UBR1: variants seen among roughly 807,000 people sequenced by gnomAD.
The protein encoded by UBR1 is ubiquitin protein ligase E3 component n-recognin 1, also known as E3 ubiquitin-protein ligase UBR1.
In UBR1, 102 loss-of-function variants were observed where a neutral mutation model predicts 242.1. The ratio of observed to expected loss-of-function variants is 0.42; its 90% confidence interval spans 0.36 to 0.50. The LOEUF (loss-of-function observed/expected upper bound fraction) is 0.50. UBR1 is among the 20% of genes least tolerant of loss of function. The pLI is 0.01. For synonymous variants in UBR1, 675 were observed against 684.8 expected (o/e 0.99, Z 0.22); for missense variants, 1,772 against 2,101.8 (o/e 0.84, Z 3.07).
chr15:42,988,869 C>G lies in UBR1; in HGVS notation c.3947G>C (p.Arg1316Pro). ...GGTGCTCCAGGTCAGCATGGGGACT[C>G]GAGGATCCCTTTCATCAGGTGGCAC... ...LKVPPDERDP[R>P]VPMLTWSTCA... The change falls in exon 35 of 47, where the codon CGA becomes CCA. Residue 1316 changes from arginine to proline, a missense_variant. By Grantham distance (103) the Arg-to-Pro change is moderately radical. This residue lies in a region of UBR1 where 965 missense variants were observed against 1,079.7 expected (regional missense o/e 0.89). Coordinates refer to ENST00000290650, the MANE Select transcript of UBR1 (RefSeq NM_174916.3). The G allele has an allele frequency of 6.2e-7, 1 of 1,614,158 alleles. No homozygotes were observed. Among genetic ancestry groups the G allele is most frequent in the Non-Finnish European group, 8.5e-7 (1 of 1,180,024 alleles).
At chr15:43,037,911 A>G (rs2033358315) in intron 16 of UBR1, 28 bp from the exon 17 acceptor site, 1 of 1,587,128 alleles carries the variant, frequency 6.3e-7, no homozygotes. Context: ...CAATTTTATC[A>G]TTTCTCACAG....
chr15:43,019,865 A>G (rs1218388590), intron 27 of UBR1, among the ~76,000 whole-genome samples: 2 of 151,518 alleles, frequency 1.3e-5, no homozygotes, highest in South Asian at 4.2e-4. Context: ...CCGCCTCCCA[A>G]AGTGCTGGGA....
In UBR1 at chr15:43,036,600, G is replaced by T. The variant is rs774152475; in HGVS notation, c.2023-7C>A. 1.5e-5 allele frequency: 22 copies of T among 1,495,390 alleles called. No individual in the cohort carries two copies. Among genetic ancestry groups the T allele is most frequent in the Non-Finnish European group, 2.0e-5 (21 of 1,074,560 alleles). The allele number at this position is 1,495,390 out of a possible 1,614,324, so 92.6% of individuals were successfully genotyped here. On this transcript the variant is annotated splice_polypyrimidine_tract_variant and splice_region_variant and intron_variant, in intron 17 of 46. Coordinates refer to ENST00000290650, the MANE Select transcript of UBR1 (RefSeq NM_174916.3). ...CATCTTGGTAATAAAACACCTATAA[G>T]GTAATAGGTAGAATAAATCCTAAAA...
chr15:43,071,876 A>T (rs2033828457), intron 4 of UBR1, among the ~76,000 whole-genome samples: 2 of 152,226 alleles, frequency 1.3e-5, no homozygotes, highest in Admixed American at 6.5e-5. Context: ...CTAGGTGGCC[A>T]TAACAAAAAA....
chr15:43,098,255 C>A (rs1457096873), intron 1 of UBR1, among the ~76,000 whole-genome samples: 1 of 151,854 alleles, frequency 6.6e-6, no homozygotes, highest in African/African-American at 2.4e-5. Flanking sequence ...TCATGGCACC[C>A]CAAAACAATT....
intron 5 of UBR1, among the ~76,000 whole-genome samples, chr15:43,069,618 C>T (rs187898445): frequency 6.6e-6 from 1 of 152,194 alleles, no homozygotes; most frequent in African/African-American, 2.4e-5. Context: ...TTTTACAATA[C>T]GCTCAATTGA....
intron 46 of UBR1, among the ~76,000 whole-genome samples, chr15:42,946,472 G>C (rs1390299922): frequency 6.6e-6 from 1 of 152,072 alleles, no homozygotes; most frequent in Non-Finnish European, 1.5e-5. Context: ...ACTCTGCTTT[G>C]TACCCTTGTG....
intron 30 of UBR1, among the ~76,000 whole-genome samples, chr15:43,004,663 A>C (rs1433607097): frequency 6.6e-6 from 1 of 152,172 alleles, no homozygotes; most frequent in Non-Finnish European, 1.5e-5. Flanking sequence ...TTGCAGACGG[A>C]GTCTCGCTCA....
At chr15:42,950,432 TTA>T in intron 45 of UBR1, 69 bp from the exon 46 acceptor site, 1 of 1,382,882 alleles carries the variant, frequency 7.2e-7, no homozygotes, top group Non-Finnish European at 1.0e-6. Flanking sequence ...TGCATCAATG[TTA>T]ACCTAGAGAA....
chr15:42,946,273 C>T lies in UBR1; in HGVS notation c.5109-803G>A, dbSNP rs1442819149. Reference sequence around the variant, plus strand: ...CAGAGTAGCTGGGATTACAGGTGCCCGCCACGATACCTGGCTAATTGTTTT... The same window carrying T: ...CAGAGTAGCTGGGATTACAGGTGCCTGCCACGATACCTGGCTAATTGTTTT... On this transcript the variant is annotated intron_variant, in intron 46 of 46. Transcript: ENST00000290650. 2.0e-5 allele frequency among the ~76,000 whole-genome samples: 3 copies of T among 152,140 alleles called. No individual in the cohort carries two copies. The East Asian group carries it at 5.8e-4, about 29-fold the overall frequency.
intron 14 of UBR1, among the ~76,000 whole-genome samples, chr15:43,046,344 T>C (rs1269502094): frequency 6.6e-6 from 1 of 152,168 alleles, no homozygotes; most frequent in African/African-American, 2.4e-5. Flanking sequence ...GCAGAAGAGA[T>C]TATAGTTCAC....
Position 43,038,158 on chromosome 15 carries a change from T to G in UBR1, c.1911+13A>C, listed in dbSNP as rs779793739. ...AGAATATAAGCAAATCAATACTTAG[T>G]AGAATCACTTACAAAAGACACAAAT... On this transcript the variant is annotated intron_variant, in intron 16 of 46. Coordinates refer to ENST00000290650, the MANE Select transcript of UBR1 (RefSeq NM_174916.3). 3.1e-6 allele frequency: 5 copies of G among 1,613,450 alleles called. No homozygotes were observed. In the East Asian group the frequency reaches 1.1e-4, roughly 36 times the overall value.
chr15:42,952,152 A>T (rs1299085112), intron 45 of UBR1, 126 bp downstream of exon 45: 1 of 1,172,934 alleles, frequency 8.5e-7, no homozygotes, highest in Non-Finnish European at 1.3e-6. Context: ...CATGTCAATA[A>T]CAGGTTAATA....
chr15:43,021,559 A>G (rs1334736788), intron 26 of UBR1, among the ~76,000 whole-genome samples, 184 bp from the exon 27 acceptor site: 1 of 152,198 alleles, frequency 6.6e-6, no homozygotes, highest in South Asian at 2.1e-4. Flanking sequence ...AATCATCTCT[A>G]GATTACTTAT....
intron 12 of UBR1, among the ~76,000 whole-genome samples, chr15:43,049,443 G>A (rs1213790424): frequency 6.6e-6 from 1 of 152,040 alleles, no homozygotes; most frequent in Non-Finnish European, 1.5e-5. Context: ...GGTGCCTGTA[G>A]TCCCAGCTAC....
chr15:43,014,769 C>A (rs2032987018), intron 29 of UBR1, among the ~76,000 whole-genome samples: 1 of 150,016 alleles, frequency 6.7e-6, no homozygotes, highest in Non-Finnish European at 1.5e-5. Context: ...CCGGCAGCCA[C>A]CCCGTCCGGG....
rs766965497 is a variant in UBR1, at chr15:42,952,314, G to A, written c.4970C>T (p.Ala1657Val). ...GEEVGACIFH[A>V]LHCGAGVCIF... The stretch of plus-strand genomic sequence containing the variant: ...GCAGACTCCGGCTCCACAGTGAAGT[G>A]CGTGAAAAATGCAAGCTCCAACCTC... The change falls in exon 45 of 47, where the codon GCA becomes GTA. Residue 1657 changes from alanine (A) to valine (V), a missense_variant. Transcript: ENST00000290650. 1.9e-6 allele frequency: 3 copies of A among 1,614,054 alleles called. No homozygotes were observed. Among genetic ancestry groups the A allele is most frequent in the African/African-American group, 2.7e-5 (2 of 74,926 alleles).
intron 8 of UBR1, 84 bp from the exon 9 acceptor site, chr15:43,059,276 G>T: frequency 7.7e-7 from 1 of 1,307,078 alleles, no homozygotes; most frequent in Non-Finnish European, 1.1e-6. Flanking sequence ...TGTTGCCCAG[G>T]TTGGTCTTGA....
intron 30 of UBR1, among the ~76,000 whole-genome samples, chr15:43,005,624 A>T (rs1400414162): frequency 6.6e-6 from 1 of 152,242 alleles, no homozygotes; most frequent in Non-Finnish European, 1.5e-5. Context: ...GGCCATGATG[A>T]CGATGGCGGT....
Sources: allele counts gnomAD v4.1 joint callset (sites outside exome capture counted in the v4.1 genomes callset), GRCh38; gene constraint gnomAD v4.1.1; regional missense constraint gnomAD v4.1.1; transcripts MANE v1.5; gene names NCBI Gene and HGNC (gene_info 2026-07-23, HGNC 2026-07-21).